DAAM2: variants seen among roughly 807,000 people sequenced by gnomAD.
DAAM2 encodes the protein dishevelled associated activator of morphogenesis 2.
DAAM2 carries 39 observed loss-of-function variants against 120.7 expected under a neutral mutation model. That is an observed-to-expected ratio of 0.32 (90% CI 0.25 to 0.42). DAAM2 has a LOEUF of 0.42. Among genes scored for constraint, DAAM2 ranks in the 10% least tolerant of loss-of-function variants. DAAM2 has a pLI of 1.00. For synonymous variants in DAAM2, 488 were observed against 524.9 expected (o/e 0.93, Z 0.96); for missense variants, 1,283 against 1,401.7 (o/e 0.92, Z 1.35).
In DAAM2 at chr6:39,900,150, C is replaced by T. The variant is rs369089603; in HGVS notation, c.2753C>T (p.Thr918Met). Residue 918 changes from threonine (T) to methionine (M), a missense_variant, in exon 23 of 25, where the codon ACG becomes ATG. By Grantham distance (81) the Thr-to-Met change is moderately conservative. Coordinates refer to ENST00000274867, the MANE Select transcript of DAAM2 (RefSeq NM_001201427.2). The stretch of plus-strand genomic sequence containing the variant: ...GTCCCTGTCATGAGCGACTTCATCA[C>T]GGTGTCCAGCTTCAGCTTCTCCGAG... ...KFVPVMSDFI[T>M]VSSFSFSELE... 2.8e-5 allele frequency: 45 copies of T among 1,604,932 alleles called. No individual in the cohort carries two copies. The Middle Eastern group carries it at 1.2e-3, about 41-fold the overall frequency.
At position 39,901,590 on chromosome 6, in the gene DAAM2, G is replaced by T; in HGVS notation, c.2982+118G>T. 1.7e-6 allele frequency: 2 copies of T among 1,203,850 alleles called. No homozygotes were observed. The highest frequency in any genetic ancestry group is 1.5e-5 in the African/African-American group (1 of 65,826). The allele number at this position is 1,203,850 out of a possible 1,614,324, so 74.6% of individuals were successfully genotyped here. ...ACTGAGGAACTGAGGAACACCATAGGGGTTGGATGTCAGCCCCAGGAGAGA... is the reference window on the plus strand; with the variant it reads ...ACTGAGGAACTGAGGAACACCATAGTGGTTGGATGTCAGCCCCAGGAGAGA... On this transcript the variant is annotated intron_variant, in intron 24 of 24. Coordinates refer to ENST00000274867, the MANE Select transcript of DAAM2 (RefSeq NM_001201427.2). This position sits in a 1 kb window ranked among gnomAD's most constrained non-coding sequence, Gnocchi z 4.5.
chr6:39,832,049 G>A (rs1413874252), intron 1 of DAAM2, among the ~76,000 whole-genome samples: 1 of 148,386 alleles, frequency 6.7e-6, no homozygotes, highest in Non-Finnish European at 1.5e-5. Flanking sequence ...CAGGTACACT[G>A]CGGGGACAGG....
chr6:39,828,160 G>T (rs1044936987), intron 1 of DAAM2, among the ~76,000 whole-genome samples: 1 of 152,172 alleles, frequency 6.6e-6, no homozygotes, highest in Admixed American at 6.5e-5. Context: ...GTTCAGTTTT[G>T]CATTTCTAGT....
At chr6:39,870,272 G>T in intron 7 of DAAM2, 68 bp from the exon 8 acceptor site, 1 of 942,552 alleles carries the variant, frequency 1.1e-6, no homozygotes, top group Non-Finnish European at 1.7e-6. Context: ...GGTGATGAGG[G>T]CTCCACTGGG....
intron 14 of DAAM2, among the ~76,000 whole-genome samples, chr6:39,881,473 C>T (rs1765115381): frequency 6.6e-6 from 1 of 152,152 alleles, no homozygotes; most frequent in Non-Finnish European, 1.5e-5. Flanking sequence ...AATCCCAGCA[C>T]TTGGGGAGGC....
At chr6:39,841,754 G>A (rs1484553095) in intron 1 of DAAM2, among the ~76,000 whole-genome samples, 1 of 152,028 alleles carries the variant, frequency 6.6e-6, no homozygotes, top group Non-Finnish European at 1.5e-5. Context: ...TTTAGAAATG[G>A]GGAGTCCATT....
At chr6:39,836,291 C>G (rs1763100507) in intron 1 of DAAM2, among the ~76,000 whole-genome samples, 1 of 152,116 alleles carries the variant, frequency 6.6e-6, no homozygotes, top group Admixed American at 6.5e-5. Context: ...TTGCCTGCAT[C>G]TAAAACCTCC....
At chr6:39,858,268 G>C (rs1292320819) in intron 2 of DAAM2, among the ~76,000 whole-genome samples, 3 of 152,310 alleles carry the variant, frequency 2.0e-5, no homozygotes, top group East Asian at 3.9e-4. Context: ...TTTTCTAAAA[G>C]ACCACGCAAG....
chr6:39,866,006 C>A (rs1020191738), intron 5 of DAAM2, among the ~76,000 whole-genome samples: 7 of 152,178 alleles, frequency 4.6e-5, no homozygotes, highest in African/African-American at 1.7e-4. Flanking sequence ...TGGAAATGAG[C>A]AAACAATCAG....
intron 11 of DAAM2, among the ~76,000 whole-genome samples, chr6:39,876,211 A>G (rs951106920): frequency 1.3e-5 from 2 of 152,220 alleles, no homozygotes; most frequent in Non-Finnish European, 2.9e-5. Context: ...CCTTACATTA[A>G]CATACTAATT....
intron 1 of DAAM2, among the ~76,000 whole-genome samples, chr6:39,796,937 C>T (rs1761720502): frequency 1.3e-5 from 2 of 152,220 alleles, no homozygotes; most frequent in South Asian, 4.1e-4. Flanking sequence ...TAATGCCATT[C>T]CCCTCTCCAG....
chr6:39,903,104 T>C lies in DAAM2; in HGVS notation c.*1067T>C, dbSNP rs1052507597. ...CAGCAGCCTCTGTCCAGCCTGCAGG[T>C]GGCCACTTGGAACCATGTGTCCACT... is the stretch of plus-strand genomic sequence containing the variant. On this transcript the variant is annotated 3_prime_UTR_variant, in exon 25 of 25. Coordinates refer to ENST00000274867, the MANE Select transcript of DAAM2 (RefSeq NM_001201427.2). 3.3e-5 allele frequency: 5 copies of C among 152,270 alleles called. No individual in the cohort carries two copies. The highest frequency in any genetic ancestry group is 6.5e-5 in the Admixed American group (1 of 15,282). 9.4% of individuals were successfully genotyped at this position (152,270 alleles called of 1,614,324 possible).
chr6:39,868,755 A>G (rs1214723037), intron 6 of DAAM2, 68 bp from the exon 7 acceptor site: 22 of 1,170,942 alleles, frequency 1.9e-5, no homozygotes, highest in South Asian at 1.5e-4. Flanking sequence ...ACAGGAGTAA[A>G]GATGCAAAGG....
At chr6:39,898,026 G>T (rs897903680) in intron 21 of DAAM2, among the ~76,000 whole-genome samples, 34 of 152,200 alleles carry the variant, frequency 2.2e-4, no homozygotes, top group African/African-American at 8.2e-4. Context: ...AAGACAATTT[G>T]CTCTTAAATC....
intron 9 of DAAM2, among the ~76,000 whole-genome samples, chr6:39,872,349 C>T (rs928794531): frequency 6.6e-6 from 1 of 152,178 alleles, no homozygotes; most frequent in Non-Finnish European, 1.5e-5. Context: ...AGTATGCAGG[C>T]TGTGGAAGCC....
chr6:39,896,053 A>G (rs1341696176), intron 19 of DAAM2, among the ~76,000 whole-genome samples: 1 of 152,056 alleles, frequency 6.6e-6, no homozygotes, highest in African/African-American at 2.4e-5. Flanking sequence ...TTTTCTTTCC[A>G]AAAAACCAAT....
At position 39,811,174 on chromosome 6, in the gene DAAM2, AGTGTGTGTGTGTGTGTGTGT is replaced by A. The variant is rs59432565; in HGVS notation, c.-57+18729_-57+18748del. The stretch of plus-strand genomic sequence containing the variant: ...ATTTGTAAGCCTGTAAACTGAAGGG[AGTGTGTGTGTGTGTGTGTGT>A]GTGTGTGTGTGTGTGTGTGATTTTC... On this transcript the variant is annotated intron_variant, in intron 1 of 24. Transcript: ENST00000274867. Among the ~76,000 whole-genome samples the A allele has an allele frequency of 8.2e-4, 120 of 146,556 alleles. No individual in the cohort carries two copies. In the South Asian group the frequency reaches 0.021, roughly 25 times the overall value.
intron 3 of DAAM2, chr6:39,861,361 T>C (rs903922805): frequency 1.6e-4 from 59 of 379,166 alleles, no homozygotes; most frequent in Non-Finnish European, 2.6e-4. Flanking sequence ...GGAGCAGCTT[T>C]GCTATAAGAA....
In DAAM2 at chr6:39,897,044, TCCTC is replaced by T; in HGVS notation, c.2510+69_2510+72del. ...TCTCACCCTACCCTGGCCTCTCACA[TCCTC>T]CCTCTATTAGGACGGGAACATCCTA... is the stretch of plus-strand genomic sequence containing the variant. On this transcript the variant is annotated intron_variant, in intron 20 of 24. Transcript: ENST00000274867. 1.9e-5 allele frequency: 30 copies of T among 1,556,050 alleles called. No individual in the cohort carries two copies. The South Asian group carries it at 3.4e-4, about 18-fold the overall frequency.
Sources: gnomAD v4.1 joint callset for allele counts (sites outside exome capture counted in the v4.1 genomes callset) on GRCh38, gnomAD v4.1.1 for gene constraint, Gnocchi (gnomAD v3.1) non-coding constraint, MANE v1.5 for transcripts, NCBI Gene and HGNC (gene_info 2026-07-23, HGNC 2026-07-21) for gene names.